BAG2: variants seen among roughly 807,000 people sequenced by gnomAD.
BAG2 encodes BAG cochaperone 2.
Under a neutral mutation model 16.4 loss-of-function variants are expected in BAG2, and 8 were observed. The observed-to-expected ratio is 0.49, with a 90% CI of 0.29 to 0.88. The LOEUF (loss-of-function observed/expected upper bound fraction) is 0.88, where lower values mean the gene tolerates loss of function less well. Ranked by LOEUF, BAG2 falls within the 40% of genes least tolerant of loss-of-function variation. The pLI is 0.09. For missense variants in BAG2, 218 were observed against 248.9 expected (o/e 0.88, Z 0.84); for synonymous variants, 82 against 89.2 (o/e 0.92, Z 0.46).
At chr6:57,178,763 A>G (rs549920226) in intron 1 of BAG2, among the ~76,000 whole-genome samples, 62 of 148,534 alleles carry the variant, frequency 4.2e-4, no homozygotes, top group African/African-American at 1.5e-3. Context: ...TCTATTATGT[A>G]TTAAAAAAAG....
At chr6:57,176,536 T>C (rs1764290107) in intron 1 of BAG2, among the ~76,000 whole-genome samples, 3 of 152,282 alleles carry the variant, frequency 2.0e-5, no homozygotes, top group South Asian at 4.1e-4. Context: ...GGATGGGTTT[T>C]GGAGACTGGC....
Position 57,188,845 on chromosome 6 carries a change from C to CACTT in BAG2, c.*4657_*4660dup, listed in dbSNP as rs1199232498. The stretch of plus-strand genomic sequence containing the variant: ...GGCAAAGAGAACATTTACTTTTGAT[C>CACTT]ACTTAACAAGGACACACCCAGGAAA... On this transcript the variant is annotated 3_prime_UTR_variant, in exon 3 of 3. Transcript: ENST00000370693. 4.6e-5 allele frequency: 7 copies of CACTT among 151,936 alleles called. No homozygotes were observed. Among genetic ancestry groups the CACTT allele is most frequent in the African/African-American group, 9.7e-5 (4 of 41,350 alleles). The allele number at this position is 151,936 out of a possible 1,614,324, so 9.4% of individuals were successfully genotyped here.
At position 57,186,103 on chromosome 6, in the gene BAG2, G is replaced by T. The variant is rs533862942; in HGVS notation, c.*1913G>T. 2.0e-5 allele frequency: 3 copies of T among 152,464 alleles called. No homozygotes were observed. Among genetic ancestry groups the T allele is most frequent in the Admixed American group, 6.6e-5 (1 of 15,258 alleles). 9.4% of individuals were successfully genotyped at this position (152,464 alleles called of 1,614,324 possible). A position where few individuals can be genotyped will look rare whatever the true frequency, so the allele number is the denominator to read the frequency against. On this transcript the variant is annotated 3_prime_UTR_variant, in exon 3 of 3. Transcript: ENST00000370693. ...TAAAGGGCAGGGAATCTCCAGTGTG[G>T]TTTTTTGTTTTTTTGTTTTTTGTTT...
chr6:57,183,734 A>C (rs769860247), intron 2 of BAG2, 44 bp from the exon 3 acceptor site: 11 of 1,455,258 alleles, frequency 7.6e-6, no homozygotes, highest in Non-Finnish European at 1.0e-5. Flanking sequence ...AAATGCCTTA[A>C]TGTTTTTGAC....
Position 57,183,767 on chromosome 6 carries a change from T to C in BAG2, c.224-11T>C, listed in dbSNP as rs2127993567. On this transcript the variant is annotated splice_polypyrimidine_tract_variant and intron_variant, in intron 2 of 2. Coordinates refer to ENST00000370693, the MANE Select transcript of BAG2 (RefSeq NM_004282.4). ...GACACAGATAAGTTTACATCTCATA[T>C]TGATTTTTAGGAGAAAGAGAAGAAT... 3.2e-6 allele frequency: 5 copies of C among 1,541,226 alleles called. No individual in the cohort carries two copies. Among genetic ancestry groups the C allele is most frequent in the Middle Eastern group, 1.8e-4 (1 of 5,714 alleles).
At chr6:57,178,959 ACCTT>A (rs1764361992) in intron 1 of BAG2, among the ~76,000 whole-genome samples, 2 of 152,220 alleles carry the variant, frequency 1.3e-5, no homozygotes, top group Admixed American at 1.3e-4. Context: ...CATAAATGAA[ACCTT>A]CCTTTTCAGA....
chr6:57,184,176 A>G lies in BAG2; in HGVS notation c.622A>G (p.Ser208Gly). 3 of 1,545,310 alleles carry G rather than the reference A, an allele frequency of 1.9e-6. No homozygotes were observed. The highest frequency in any genetic ancestry group is 2.6e-6 in the Non-Finnish European group (3 of 1,155,156). Residue 208 changes from serine to glycine, a missense_variant, in exon 3 of 3, where the codon AGC (serine) becomes GGC (glycine). Ser to Gly is a moderately conservative substitution (Grantham distance 56, BLOSUM62 0). Coordinates refer to ENST00000370693, the MANE Select transcript of BAG2 (RefSeq NM_004282.4). ...CAAAACTCTGCAACAAAATGCTGAA[A>G]GCAGATTCAATTAGTCTTCAAACCT... ...GSKTLQQNAE[S>G]RFN
rs1014722136 is a variant in BAG2 at position 57,188,380 on chromosome 6, G to C, written c.*4190G>C. 37 of 151,930 alleles carry C rather than the reference G, an allele frequency of 2.4e-4. No homozygotes were observed. Among genetic ancestry groups the C allele is most frequent in the African/African-American group, 8.9e-4 (37 of 41,384 alleles). The allele number at this position is 151,930 out of a possible 1,614,324, so 9.4% of individuals were successfully genotyped here. A position where few individuals can be genotyped will look rare whatever the true frequency, so the allele number is the denominator to read the frequency against. On this transcript the variant is annotated 3_prime_UTR_variant, in exon 3 of 3. Transcript: ENST00000370693. Reference sequence around the variant, plus strand: ...TCTTATTTAAAAAAAGATAAAACTAGGTACATAAAATTATATTACAGGAAC... The same window carrying C: ...TCTTATTTAAAAAAAGATAAAACTACGTACATAAAATTATATTACAGGAAC...
intron 1 of BAG2, among the ~76,000 whole-genome samples, chr6:57,179,585 A>T (rs1323932328): frequency 1.3e-5 from 2 of 152,204 alleles, no homozygotes; most frequent in Non-Finnish European, 2.9e-5. Flanking sequence ...ATCTTTCATG[A>T]ACTTGTATTT....
At chr6:57,173,175 TC>T (rs1230542682) in intron 1 of BAG2, 8 of 1,002,782 alleles carry the variant, frequency 8.0e-6, no homozygotes, top group Non-Finnish European at 9.5e-6. Flanking sequence ...CTGCAGAACT[TC>T]TAGAACCTTC....
At position 57,174,376 on chromosome 6, in the gene BAG2, G is replaced by A. The variant is rs558405425; in HGVS notation, c.113+1566G>A. On this transcript the variant is annotated intron_variant, in intron 1 of 2. Transcript: ENST00000370693. Reference sequence around the variant, plus strand: ...AAGCTGAGTCATTGTCCTCCAACTTGAATTAATGCCTCACATGTGGTAGGT... The same window carrying A: ...AAGCTGAGTCATTGTCCTCCAACTTAAATTAATGCCTCACATGTGGTAGGT... 6 of 1,304,212 alleles carry A rather than the reference G, an allele frequency of 4.6e-6. No individual in the cohort carries two copies. The South Asian group carries it at 7.4e-5, about 16-fold the overall frequency. 80.8% of individuals were successfully genotyped at this position (1,304,212 alleles called of 1,614,324 possible).
intron 1 of BAG2, among the ~76,000 whole-genome samples, chr6:57,178,879 G>C (rs977564701): frequency 1.3e-5 from 2 of 152,052 alleles, no homozygotes; most frequent in African/African-American, 2.4e-5. Flanking sequence ...CATATGACAG[G>C]CTTATTATAT....
intron 2 of BAG2, among the ~76,000 whole-genome samples, chr6:57,183,401 CAT>C (rs1385444141): frequency 6.6e-6 from 1 of 152,172 alleles, no homozygotes; most frequent in African/African-American, 2.4e-5. Context: ...GATAAATGCA[CAT>C]GTCGTTCTGG....
At position 57,183,762 on chromosome 6, in the gene BAG2, T is replaced by C; in HGVS notation, c.224-16T>C. On this transcript the variant is annotated splice_polypyrimidine_tract_variant and intron_variant, in intron 2 of 2. Transcript: ENST00000370693. ...TTTTTGACACAGATAAGTTTACATC[T>C]CATATTGATTTTTAGGAGAAAGAGA... 1.3e-6 allele frequency: 2 copies of C among 1,535,652 alleles called. No homozygotes were observed. Among genetic ancestry groups the C allele is most frequent in the Non-Finnish European group, 1.8e-6 (2 of 1,142,132 alleles).
In BAG2 at chr6:57,185,207, T is replaced by A. The variant is rs1764588891; in HGVS notation, c.*1017T>A. On this transcript the variant is annotated 3_prime_UTR_variant, in exon 3 of 3. Coordinates refer to ENST00000370693, the MANE Select transcript of BAG2 (RefSeq NM_004282.4). ...TTTCAGTAATTAAAATATAGCTATT[T>A]CACTGAAATATTTCCAGCACTGAGC... The A allele has an allele frequency of 6.6e-6, 1 of 152,218 alleles. No homozygotes were observed. The highest frequency in any genetic ancestry group is 1.5e-5 in the Non-Finnish European group (1 of 68,038). 9.4% of individuals were successfully genotyped at this position (152,218 alleles called of 1,614,324 possible).
At position 57,185,540 on chromosome 6, in the gene BAG2, G is replaced by C. The variant is rs1156400278; in HGVS notation, c.*1350G>C. On this transcript the variant is annotated 3_prime_UTR_variant, in exon 3 of 3. Coordinates refer to ENST00000370693, the MANE Select transcript of BAG2 (RefSeq NM_004282.4). ...TTTTCTCTACAAAAATGCCAAGTTA[G>C]TCTCTTTATAAAAAGCAGTTACAAT... 3 of 152,212 alleles carry C rather than the reference G, an allele frequency of 2.0e-5. No individual in the cohort carries two copies. The highest frequency in any genetic ancestry group is 4.4e-5 in the Non-Finnish European group (3 of 68,032). 9.4% of individuals were successfully genotyped at this position (152,212 alleles called of 1,614,324 possible).
rs532760777 is a variant in BAG2, at chr6:57,172,598, GC to G, written c.-97del. 2.6e-3 allele frequency: 2,595 copies of G among 1,016,736 alleles called. 5 individuals are homozygous for G. The highest frequency in any genetic ancestry group is 3.2e-3 in the Non-Finnish European group (2,380 of 750,472). The allele number at this position is 1,016,736 out of a possible 1,614,324, so 63.0% of individuals were successfully genotyped here. A position where few individuals can be genotyped will look rare whatever the true frequency, so the allele number is the denominator to read the frequency against. ...CGCGGGCGTCAGAGGGAGGGCGGGC[GC>G]CCGCGTGGTGACGGCGACGCCTGCA... On this transcript the variant is annotated 5_prime_UTR_variant, in exon 1 of 3. Coordinates refer to ENST00000370693, the MANE Select transcript of BAG2 (RefSeq NM_004282.4).
Position 57,172,712 on chromosome 6 carries a change from G to T in BAG2, c.15G>T (p.Lys5Asn), listed in dbSNP as rs1764157533. The T allele has an allele frequency of 1.3e-6, 2 of 1,573,642 alleles. No individual in the cohort carries two copies. Among genetic ancestry groups the T allele is most frequent in the Non-Finnish European group, 1.7e-6 (2 of 1,162,908 alleles). MAQA[K>N]INAKANEGRF... ...CGGAGGCTTAGATGGCTCAGGCGAA[G>T]ATCAACGCTAAAGCCAACGAGGGGC... The change falls in exon 1 of 3, where the codon AAG becomes AAT. Residue 5 changes from lysine to asparagine, a missense_variant. Coordinates refer to ENST00000370693, the MANE Select transcript of BAG2 (RefSeq NM_004282.4).
In BAG2 at chr6:57,188,887, T is replaced by C. The variant is rs1281044936; in HGVS notation, c.*4697T>C. ...CCCAGGAAATTTGATTTTCTCAACA[T>C]TAGGAGGATGAGGGGAGTACAGATG... On this transcript the variant is annotated 3_prime_UTR_variant, in exon 3 of 3. Transcript: ENST00000370693. The C allele has an allele frequency of 6.6e-6, 1 of 151,996 alleles. No homozygotes were observed. Among genetic ancestry groups the C allele is most frequent in the Non-Finnish European group, 1.5e-5 (1 of 67,958 alleles). 9.4% of individuals were successfully genotyped at this position (151,996 alleles called of 1,614,324 possible).
Sources: gnomAD v4.1 joint callset for allele counts (sites outside exome capture counted in the v4.1 genomes callset) on GRCh38, gnomAD v4.1.1 for gene constraint, MANE v1.5 for transcripts, NCBI Gene and HGNC (gene_info 2026-07-23, HGNC 2026-07-21) for gene names.